VRK2: variants seen among roughly 807,000 people sequenced by gnomAD.
VRK2 encodes the protein VRK serine/threonine kinase 2.
VRK2 carries 60 observed loss-of-function variants against 57.6 expected under a neutral mutation model. The ratio of observed to expected loss-of-function variants is 1.04; its 90% confidence interval spans 0.85 to 1.29. The LOEUF (loss-of-function observed/expected upper bound fraction) is 1.29. Ranked by LOEUF, VRK2 falls within the 50% of genes most tolerant of loss-of-function variation. The pLI is 0.00. For synonymous variants in VRK2, 231 were observed against 199.2 expected, an observed-to-expected ratio of 1.16 and a Z score of -1.35; for missense variants, 705 against 588.1, an observed-to-expected ratio of 1.20 and a Z score of -2.06.
At chr2:58,021,487 T>A (rs1407557146) in intron 1 of VRK2, among the ~76,000 whole-genome samples, 1 of 152,230 alleles carries the variant, frequency 6.6e-6, no homozygotes, top group African/African-American at 2.4e-5. Flanking sequence ...GGACTAAATA[T>A]TTATTGTCTC....
intron 1 of VRK2, 198 bp from the exon 2 acceptor site, chr2:58,048,629 G>A (rs1332371978): frequency 2.7e-6 from 4 of 1,497,216 alleles, no homozygotes; most frequent in Non-Finnish European, 3.6e-6. Context: ...ATACCTCTTA[G>A]ATCTCAGTAT....
intron 12 of VRK2, among the ~76,000 whole-genome samples, chr2:58,158,732 G>C (rs1684437932): frequency 6.6e-6 from 1 of 152,092 alleles, no homozygotes; most frequent in South Asian, 2.1e-4. Flanking sequence ...CATAGAAGTA[G>C]CTCCCGAAAC....
At chr2:58,072,414 A>G (rs913947951) in intron 2 of VRK2, among the ~76,000 whole-genome samples, 3 of 151,616 alleles carry the variant, frequency 2.0e-5, no homozygotes, top group African/African-American at 7.3e-5. Flanking sequence ...TTATTTGTAG[A>G]TTTTTTTTAT....
At position 58,025,772 on chromosome 2, in the gene VRK2, T is replaced by A. The variant is rs567473776; in HGVS notation, c.-333+2T>A. On this transcript the variant is annotated splice_donor_variant, in intron 2 of 15. Transcript: ENST00000417641. LOFTEE classifies it low-confidence loss of function (5UTR_SPLICE). ...AGTTTACCAGAGAAAAGATGCCAGG[T>A]GGGTGGCCTTTATAGAAAAGGTAAG... The A allele has an allele frequency of 6.6e-6, 1 of 152,196 alleles. No homozygotes were observed. Among genetic ancestry groups the A allele is most frequent in the East Asian group, 1.9e-4 (1 of 5,194 alleles). The allele number at this position is 152,196 out of a possible 1,614,324, so 9.4% of individuals were successfully genotyped here.
chr2:58,069,766 A>T (rs1225522806), intron 2 of VRK2, among the ~76,000 whole-genome samples: 1 of 151,982 alleles, frequency 6.6e-6, no homozygotes, highest in Non-Finnish European at 1.5e-5. Context: ...CATTTTCTGC[A>T]CTCTCCGACT....
At chr2:58,006,814 T>A (rs1292952439) in intron 1 of VRK2, among the ~76,000 whole-genome samples, 1 of 152,094 alleles carries the variant, frequency 6.6e-6, no homozygotes, top group East Asian at 1.9e-4. Context: ...CCTACTAAAT[T>A]CTTACTTGAC....
At chr2:57,934,262 C>G (rs2717024) in intron 1 of VRK2, among the ~76,000 whole-genome samples, 105,936 of 152,142 alleles carry the variant, frequency 0.7, 38,392 homozygotes, top group African/African-American at 0.92. Flanking sequence ...TTACTAATAA[C>G]TGCCCTTGAA....
intron 1 of VRK2, among the ~76,000 whole-genome samples, chr2:57,922,203 T>C (rs1432212358): frequency 2.6e-5 from 4 of 151,926 alleles, no homozygotes; most frequent in Non-Finnish European, 4.4e-5. Context: ...CCATCAAAAA[T>C]TGAATTATTG....
chr2:58,111,439 T>C (rs1249088736), intron 7 of VRK2, among the ~76,000 whole-genome samples: 1 of 152,116 alleles, frequency 6.6e-6, no homozygotes, highest in Non-Finnish European at 1.5e-5. Context: ...AAAAAGTGCA[T>C]AAAAGGACAA....
At chr2:58,059,462 AT>A (rs1352109847) in intron 2 of VRK2, among the ~76,000 whole-genome samples, 1 of 152,050 alleles carries the variant, frequency 6.6e-6, no homozygotes, top group East Asian at 1.9e-4. Context: ...TCTTGACTAT[AT>A]TTTTTCATTG....
chr2:58,151,731 GTTTTTTTTTTTTTTTTTTTT>G (rs60379025), intron 12 of VRK2, among the ~76,000 whole-genome samples: 11 of 16,722 alleles, frequency 6.6e-4, no homozygotes, highest in South Asian at 3.9e-3. Context: ...TTCTATGCTT[GTTTTTTTTTTTTTTTTTTTT>G]TTTTTTTTTT....
chr2:57,998,028 T>G (rs1008332994), intron 1 of VRK2, among the ~76,000 whole-genome samples: 8 of 152,188 alleles, frequency 5.3e-5, no homozygotes, highest in African/African-American at 1.4e-4. Flanking sequence ...AAGTCTATAT[T>G]CAGAATGGAT....
At chr2:57,926,467 G>A (rs2678871) in intron 1 of VRK2, among the ~76,000 whole-genome samples, 102,307 of 147,866 alleles carry the variant, frequency 0.69, 36,671 homozygotes, top group African/African-American at 0.91. Flanking sequence ...GTGTGTGTGT[G>A]TATAGTGTAT....
intron 3 of VRK2, chr2:58,041,117 C>A (rs1572817722): frequency 2.1e-6 from 2 of 969,430 alleles, no homozygotes; most frequent in Non-Finnish European, 2.5e-6. Context: ...TATAGTTAAC[C>A]TTTTATGGTG....
At chr2:58,003,367 T>C (rs1673145949) in intron 1 of VRK2, among the ~76,000 whole-genome samples, 1 of 152,174 alleles carries the variant, frequency 6.6e-6, no homozygotes, top group African/African-American at 2.4e-5. Context: ...TGCAACATTT[T>C]TTTGTTTTTA....
At chr2:57,951,097 A>C (rs1671414407) in intron 1 of VRK2, among the ~76,000 whole-genome samples, 1 of 152,156 alleles carries the variant, frequency 6.6e-6, no homozygotes, top group Non-Finnish European at 1.5e-5. Context: ...TCTCAAAAAA[A>C]AAATAATAAA....
chr2:58,159,569 C>A lies in VRK2; in HGVS notation c.1403C>A (p.Thr468Asn). Residue 468 changes from threonine (T) to asparagine (N), a missense_variant, in exon 13 of 13, where the codon ACT (threonine) becomes AAT (asparagine). Coordinates refer to ENST00000340157, the MANE Select transcript of VRK2 (RefSeq NM_006296.7). ...GGGATCACAGACTTAGAAAGTTCAA[C>A]TGGACTTTGGCCTACAATTTCCCAG... The part of the protein sequence containing the change: ...STGITDLESS[T>N]GLWPTISQFT... 1 of 1,613,810 alleles carries A rather than the reference C, an allele frequency of 6.2e-7. No homozygotes were observed. Among genetic ancestry groups the A allele is most frequent in the Non-Finnish European group, 8.5e-7 (1 of 1,179,782 alleles).
intron 1 of VRK2, among the ~76,000 whole-genome samples, chr2:57,929,629 G>A (rs1185520660): frequency 6.6e-6 from 1 of 152,042 alleles, no homozygotes; most frequent in Non-Finnish European, 1.5e-5. Flanking sequence ...AACAGAAGGA[G>A]TCTCTCCGTG....
Position 58,150,393 on chromosome 2 carries a change from G to A in VRK2, c.1182+3919G>A, listed in dbSNP as rs376158040. Among the ~76,000 whole-genome samples, 5 of 151,204 alleles carry A rather than the reference G, an allele frequency of 3.3e-5. No individual in the cohort carries two copies. In the East Asian group the frequency reaches 7.7e-4, roughly 23 times the overall value. ...AAGTTTTCAAATTTATCAGCACTAA[G>A]TTAGGATATTCTTTATTTTCCCTTT... On this transcript the variant is annotated intron_variant, in intron 12 of 12. Transcript: ENST00000340157.
Sources: gnomAD v4.1 joint callset for allele counts (sites outside exome capture counted in the v4.1 genomes callset) on GRCh38, gnomAD v4.1.1 for gene constraint, MANE v1.5 for transcripts, NCBI Gene and HGNC (gene_info 2026-07-23, HGNC 2026-07-21) for gene names.